The following SPEG variants were observed in gnomAD, a reference collection of about 807,000 sequenced individuals.
SPEG encodes striated muscle enriched protein kinase.
SPEG carries 114 observed loss-of-function variants against 300.4 expected under a neutral mutation model. The observed-to-expected ratio is 0.38, with a 90% CI of 0.33 to 0.44. The LOEUF (loss-of-function observed/expected upper bound fraction) is 0.44. Among genes scored for constraint, SPEG ranks in the 20% least tolerant of loss-of-function variants. The pLI is 1.00. For missense variants in SPEG, 4,201 were observed against 4,586.2 expected, an observed-to-expected ratio of 0.92 and a Z score of 2.43; for synonymous variants, 1,964 against 2,018.9, an observed-to-expected ratio of 0.97 and a Z score of 0.73.
In SPEG at chr2:219,448,720, T is replaced by G. The variant is rs1255559249; in HGVS notation, c.1562T>G (p.Leu521Arg). 1 of 1,492,678 alleles carries G rather than the reference T, an allele frequency of 6.7e-7. No homozygotes were observed. The highest frequency in any genetic ancestry group is 1.5e-5 in the African/African-American group (1 of 68,406). The allele number at this position is 1,492,678 out of a possible 1,614,324, so 92.5% of individuals were successfully genotyped here. A position where few individuals can be genotyped will look rare whatever the true frequency, so the allele number is the denominator to read the frequency against. The change falls in exon 4 of 41, where the codon CTG becomes CGG. Residue 521 changes from leucine to arginine, a missense_variant. Physicochemically the swap from Leu to Arg is moderately radical, Grantham distance 102. This residue lies in a region of SPEG where 1,258 missense variants were observed against 1,293.9 expected (regional missense o/e 0.97). Transcript: ENST00000312358. ...TCGCACGAGTCCCTGCGCGCCACGC[T>G]GCAGCGTGCCCCATCCCCTCGAGAG... The part of the protein sequence containing the change: ...VRSHESLRAT[L>R]QRAPSPREPG...
intron 31 of SPEG, among the ~76,000 whole-genome samples, chr2:219,487,638 A>G (rs1693563327): frequency 1.3e-5 from 2 of 152,150 alleles, no homozygotes; most frequent in Non-Finnish European, 2.9e-5. Context: ...GGCAGGTGGG[A>G]AGAGGGGCCA....
At position 219,471,822 on chromosome 2, in the gene SPEG, G is replaced by T. The variant is rs1012942878; in HGVS notation, c.3716-46G>T. The T allele has an allele frequency of 1.9e-6, 3 of 1,611,110 alleles. No individual in the cohort carries two copies. The Admixed American group carries it at 5.0e-5, about 27-fold the overall frequency. On this transcript the variant is annotated intron_variant, in intron 13 of 40. Coordinates refer to ENST00000312358, the MANE Select transcript of SPEG (RefSeq NM_005876.5). ...GGATGGCATGGGCCTACCCCTCAAGGTATCCTCCGGGCTCAGGCCCAGTGT... is the reference window on the plus strand; with the variant it reads ...GGATGGCATGGGCCTACCCCTCAAGTTATCCTCCGGGCTCAGGCCCAGTGT...
chr2:219,463,272 G>C (rs1473264699), intron 8 of SPEG, among the ~76,000 whole-genome samples: 1 of 152,018 alleles, frequency 6.6e-6, no homozygotes, highest in Non-Finnish European at 1.5e-5. Flanking sequence ...TTAAATGTGG[G>C]TCTAAGCAGA....
chr2:219,461,764 G>A, intron 6 of SPEG, 118 bp from the exon 7 acceptor site: 1 of 1,133,592 alleles, frequency 8.8e-7, no homozygotes, highest in South Asian at 1.3e-5. Flanking sequence ...GTGAAGTCAG[G>A]GCAGGGCCGG....
rs763278439 is a variant in SPEG at position 219,464,404 on chromosome 2, C to T, written c.2706-29C>T. On this transcript the variant is annotated intron_variant, in intron 8 of 40. Coordinates refer to ENST00000312358, the MANE Select transcript of SPEG (RefSeq NM_005876.5). This position sits in a 1 kb window ranked among gnomAD's most constrained non-coding sequence, Gnocchi z 4.5. ...TGCACGCACATCAGGCCCCTGGGCC[C>T]TGGGACTGAGTTCTTGCCCCTCTGA... 1 of 1,596,168 alleles carries T rather than the reference C, an allele frequency of 6.3e-7. No individual in the cohort carries two copies. Among genetic ancestry groups the T allele is most frequent in the South Asian group, 1.1e-5 (1 of 89,564 alleles).
intron 9 of SPEG, chr2:219,465,590 C>T (rs936525138): frequency 9.9e-6 from 2 of 201,732 alleles, no homozygotes; most frequent in Non-Finnish European, 2.0e-5. Context: ...CTTCCGACAC[C>T]CCCAGGCTTT....
At chr2:219,490,015 G>A in intron 36 of SPEG, 76 bp downstream of exon 36, 1 of 1,490,374 alleles carries the variant, frequency 6.7e-7, no homozygotes, top group Non-Finnish European at 9.0e-7. Flanking sequence ...TCGGAGAGAA[G>A]ACCAGACTGT....
chr2:219,463,323 C>T (rs775966334), intron 8 of SPEG, among the ~76,000 whole-genome samples: 31 of 149,500 alleles, frequency 2.1e-4, no homozygotes, highest in Non-Finnish European at 4.1e-4. Context: ...ATGGATTACT[C>T]AGCTTGCTAA....
intron 13 of SPEG, 98 bp from the exon 14 acceptor site, chr2:219,471,770 G>C: frequency 6.1e-6 from 9 of 1,485,722 alleles, no homozygotes; most frequent in Non-Finnish European, 7.3e-6. Context: ...CCTCCCTGCA[G>C]TGGATGGGGG....
chr2:219,478,231 CT>C (rs1305218858), intron 22 of SPEG, 126 bp downstream of exon 22: 2 of 785,262 alleles, frequency 2.5e-6, no homozygotes, highest in African/African-American at 3.5e-5. Context: ...AGGGATACAT[CT>C]GGAGACTTCT....
intron 4 of SPEG, 149 bp from the exon 5 acceptor site, chr2:219,450,987 G>A: frequency 2.7e-6 from 2 of 745,908 alleles, no homozygotes; most frequent in East Asian, 5.8e-5. Context: ...CATTCAGGAG[G>A]CAGACCCTCT....
intron 6 of SPEG, 145 bp from the exon 7 acceptor site, chr2:219,461,737 G>T: frequency 1.0e-6 from 1 of 957,316 alleles, no homozygotes; most frequent in Non-Finnish European, 1.6e-6. Flanking sequence ...GCTGGGCGAG[G>T]TCGCAGGAGC....
In SPEG at chr2:219,476,995, T is replaced by C; in HGVS notation, c.4560+13T>C. 1 of 1,577,094 alleles carries C rather than the reference T, an allele frequency of 6.3e-7. No homozygotes were observed. Among genetic ancestry groups the C allele is most frequent in the Non-Finnish European group, 8.6e-7 (1 of 1,157,000 alleles). ...CATGTGGTACAAGGTCAGAGTGTGC[T>C]GCTGGCTGAGCCTGGGGGAGGGAGG... is the stretch of plus-strand genomic sequence containing the variant. On this transcript the variant is annotated intron_variant, in intron 19 of 40. Coordinates refer to ENST00000312358, the MANE Select transcript of SPEG (RefSeq NM_005876.5).
rs1693819948 is a variant in SPEG, at chr2:219,490,041, G to A, written c.8921+102G>A. 5 of 1,373,270 alleles carry A rather than the reference G, an allele frequency of 3.6e-6. No homozygotes were observed. In the South Asian group the frequency reaches 7.3e-5, roughly 20 times the overall value. The allele number at this position is 1,373,270 out of a possible 1,614,324, so 85.1% of individuals were successfully genotyped here. On this transcript the variant is annotated intron_variant, in intron 36 of 40. Transcript: ENST00000312358. ...ACCAGACTGTCCTGGCTGGGGTGGG[G>A]GGAGGTGCTGAGACCTGGGTTATTA... is the stretch of plus-strand genomic sequence containing the variant.
At chr2:219,487,450 C>G (rs1693544578) in intron 31 of SPEG, among the ~76,000 whole-genome samples, 2 of 152,226 alleles carry the variant, frequency 1.3e-5, no homozygotes, top group Non-Finnish European at 2.9e-5. Flanking sequence ...ATTGTCACAG[C>G]AAGCATCCTG....
Position 219,448,597 on chromosome 2 carries a change from G to A in SPEG, c.1439G>A (p.Arg480His). 6.8e-7 allele frequency: 1 copy of A among 1,460,868 alleles called. No homozygotes were observed. Among genetic ancestry groups the A allele is most frequent in the Non-Finnish European group, 9.0e-7 (1 of 1,113,830 alleles). The allele number at this position is 1,460,868 out of a possible 1,614,324, so 90.5% of individuals were successfully genotyped here. A position where few individuals can be genotyped will look rare whatever the true frequency, so the allele number is the denominator to read the frequency against. The change falls in exon 4 of 41, where the codon CGC becomes CAC. Residue 480 changes from arginine (R) to histidine (H), a missense_variant. Around this residue, in one of 4 missense-constraint regions of SPEG, gnomAD observed 1,258 missense variants for 1,293.9 expected, o/e 0.97. Coordinates refer to ENST00000312358, the MANE Select transcript of SPEG (RefSeq NM_005876.5). ...CAGAAAGCGGCCTCGCTGGACGAGC[G>A]CACGCGTCAGCGCAGCCCGGCCTCA... ...FQQKAASLDE[R>H]TRQRSPASDL...
intron 6 of SPEG, chr2:219,461,091 T>C: frequency 1.1e-6 from 1 of 908,700 alleles, no homozygotes; most frequent in Non-Finnish European, 1.3e-6. Flanking sequence ...TATTTGGCAG[T>C]CGGATAGGAG....
At chr2:219,468,042 G>A (rs894251342) in intron 10 of SPEG, among the ~76,000 whole-genome samples, 1 of 152,224 alleles carries the variant, frequency 6.6e-6, no homozygotes, top group Non-Finnish European at 1.5e-5. Flanking sequence ...AGACCTAAGC[G>A]GAAGCTGGAG....
rs1017524996 is a variant in SPEG, at chr2:219,460,486, A to G, written c.2441-1396A>G. The G allele has an allele frequency of 5.4e-5, 53 of 985,436 alleles. No individual in the cohort carries two copies. The Admixed American group carries it at 8.6e-4, about 16-fold the overall frequency. The allele number at this position is 985,436 out of a possible 1,614,324, so 61.0% of individuals were successfully genotyped here. A position where few individuals can be genotyped will look rare whatever the true frequency, so the allele number is the denominator to read the frequency against. ...TCAGGGCAAGTGTCCCTATTGGCAC[A>G]GCGCAGTGCCACCCCTCCCCTGTCT... On this transcript the variant is annotated intron_variant, in intron 6 of 40. Coordinates refer to ENST00000312358, the MANE Select transcript of SPEG (RefSeq NM_005876.5).
Sources: allele counts gnomAD v4.1 joint callset (sites outside exome capture counted in the v4.1 genomes callset), GRCh38; gene constraint gnomAD v4.1.1; regional missense constraint gnomAD v4.1.1; non-coding constraint Gnocchi (gnomAD v3.1); transcripts MANE v1.5; gene names NCBI Gene and HGNC (gene_info 2026-07-23, HGNC 2026-07-21).